Variants in SPAG16 observed in about 807,000 individuals in gnomAD.
SPAG16 encodes the protein sperm associated antigen 16, also known as sperm-associated antigen 16 protein.
SPAG16 carries 86 observed loss-of-function variants against 80.4 expected under a neutral mutation model. The ratio of observed to expected loss-of-function variants is 1.07; its 90% CI spans 0.90 to 1.28. The LOEUF is 1.28. Among genes scored for constraint, SPAG16 ranks in the 50% most tolerant of loss-of-function variants. The probability of loss-of-function intolerance (pLI) is 0.00; values close to 1 mark genes in which losing one functional copy is unlikely to be tolerated. For synonymous variants in SPAG16, 294 were observed against 265.9 expected, an observed-to-expected ratio of 1.11 and a Z score of -1.03; for missense variants, 870 against 765.3, an observed-to-expected ratio of 1.14 and a Z score of -1.61.
At chr2:214,220,747 G>A (rs540869390) in intron 15 of SPAG16, among the ~76,000 whole-genome samples, 3 of 152,172 alleles carry the variant, frequency 2.0e-5, no homozygotes, top group African/African-American at 4.8e-5. Flanking sequence ...AGGGATCAAT[G>A]GATTAATCTT....
intron 10 of SPAG16, among the ~76,000 whole-genome samples, chr2:213,858,946 C>T (rs918805009): frequency 1.3e-5 from 2 of 151,402 alleles, no homozygotes; most frequent in East Asian, 3.9e-4. Context: ...TTTGGGAGGC[C>T]GAGGTGGGCG....
At position 214,164,961 on chromosome 2, in the gene SPAG16, A is replaced by G. The variant is rs952201839; in HGVS notation, c.1720+15695A>G. Among the ~76,000 whole-genome samples, 6 of 152,270 alleles carry G rather than the reference A, an allele frequency of 3.9e-5. No homozygotes were observed. The East Asian group carries it at 1.2e-3, about 29-fold the overall frequency. On this transcript the variant is annotated intron_variant, in intron 15 of 15. Coordinates refer to ENST00000331683, the MANE Select transcript of SPAG16 (RefSeq NM_024532.5). ...ACTCTTATATTCTTGTATAAGGGCT[A>G]TTAGATGTTCTGCTGAGGAGGAGAT...
rs73989457 is a variant in SPAG16 at position 214,358,728 on chromosome 2, G to A, written c.1721-51412G>A. Among the ~76,000 whole-genome samples the A allele has an allele frequency of 5.8e-3, 884 of 151,896 alleles. 10 individuals are homozygous for A. The highest frequency in any genetic ancestry group is 0.02 in the African/African-American group (839 of 41,482). ...GATCATGGAGAGCCTCCAAGGACTC[G>A]AATAATAATGGGAGTTGGGGGTTGA... On this transcript the variant is annotated intron_variant, in intron 15 of 15. Coordinates refer to ENST00000331683, the MANE Select transcript of SPAG16 (RefSeq NM_024532.5).
At chr2:213,542,983 C>T (rs577927284) in intron 10 of SPAG16, among the ~76,000 whole-genome samples, 26 of 151,930 alleles carry the variant, frequency 1.7e-4, no homozygotes, top group African/African-American at 5.6e-4. Flanking sequence ...TGGTAGATAT[C>T]CAGCCAGACT....
chr2:214,227,205 T>C (rs1055020801), intron 15 of SPAG16, among the ~76,000 whole-genome samples: 5 of 152,096 alleles, frequency 3.3e-5, no homozygotes, highest in African/African-American at 1.2e-4. Flanking sequence ...CAAATAATAG[T>C]GATTATGGAA....
intron 11 of SPAG16, among the ~76,000 whole-genome samples, chr2:213,906,370 A>T (rs1012383537): frequency 6.6e-6 from 1 of 152,208 alleles, no homozygotes; most frequent in Non-Finnish European, 1.5e-5. Context: ...ATTGAACAGG[A>T]CACAAAAAAT....
chr2:214,170,018 T>C lies in SPAG16; in HGVS notation c.1720+20752T>C, dbSNP rs74756005. The stretch of plus-strand genomic sequence containing the variant: ...TCTTTGATCTAAAAATGTTACAGAA[T>C]GCTAAAATTCAGATGAAGCCATATA... On this transcript the variant is annotated intron_variant, in intron 15 of 15. Transcript: ENST00000331683. Among the ~76,000 whole-genome samples, 867 of 152,178 alleles carry C rather than the reference T, an allele frequency of 5.7e-3. 5 individuals carry two copies. Among genetic ancestry groups the C allele is most frequent in the Non-Finnish European group, 8.9e-3 (603 of 67,996 alleles).
chr2:213,629,680 T>G (rs2062075969), intron 10 of SPAG16, among the ~76,000 whole-genome samples: 1 of 152,226 alleles, frequency 6.6e-6, no homozygotes, highest in Non-Finnish European at 1.5e-5. Context: ...TTTGCTCTGC[T>G]CAATGCTTCA....
At chr2:213,818,852 G>T (rs1202970340) in intron 10 of SPAG16, among the ~76,000 whole-genome samples, 3 of 152,108 alleles carry the variant, frequency 2.0e-5, no homozygotes, top group African/African-American at 7.2e-5. Context: ...CTGCCACCAT[G>T]TGAAGAAGGT....
chr2:213,733,411 T>A (rs2067144518), intron 10 of SPAG16, among the ~76,000 whole-genome samples: 1 of 151,510 alleles, frequency 6.6e-6, no homozygotes, highest in Non-Finnish European at 1.5e-5. Flanking sequence ...CCAATAAAGG[T>A]GGGGGAAAGT....
In SPAG16 at chr2:213,937,589, C is replaced by T. The variant is rs373264673; in HGVS notation, c.1400+7444C>T. On this transcript the variant is annotated intron_variant, in intron 12 of 15. Transcript: ENST00000331683. Reference sequence around the variant, plus strand: ...GAAATGATGTCTGAGTATTACGGAGCATAGACACATAAATAAGCACAAAAA... The same window carrying T: ...GAAATGATGTCTGAGTATTACGGAGTATAGACACATAAATAAGCACAAAAA... Among the ~76,000 whole-genome samples the T allele has an allele frequency of 5.3e-5, 8 of 151,970 alleles. No individual in the cohort carries two copies. In the East Asian group the frequency reaches 1.5e-3, roughly 29 times the overall value.
At chr2:213,708,935 G>A (rs973022106) in intron 10 of SPAG16, among the ~76,000 whole-genome samples, 6 of 152,150 alleles carry the variant, frequency 3.9e-5, no homozygotes, top group Non-Finnish European at 8.8e-5. Flanking sequence ...GGGTTGATGT[G>A]ATATCTGTAT....
intron 14 of SPAG16, among the ~76,000 whole-genome samples, chr2:214,130,042 A>G (rs7576348): frequency 2.0e-5 from 3 of 152,148 alleles, no homozygotes; most frequent in South Asian, 2.1e-4. Context: ...GTGCCTTCCA[A>G]TGAACAAAGT....
At chr2:213,902,956 T>A (rs2077279321) in intron 11 of SPAG16, among the ~76,000 whole-genome samples, 1 of 152,198 alleles carries the variant, frequency 6.6e-6, no homozygotes, top group African/African-American at 2.4e-5. Flanking sequence ...AAGTCAAATT[T>A]TAAAATGTCA....
intron 9 of SPAG16, among the ~76,000 whole-genome samples, chr2:213,430,695 A>G (rs1287673537): frequency 6.6e-6 from 1 of 152,184 alleles, no homozygotes; most frequent in Non-Finnish European, 1.5e-5. Flanking sequence ...TAGGCTAGCA[A>G]TATATTTAGA....
intron 15 of SPAG16, among the ~76,000 whole-genome samples, chr2:214,366,486 A>G (rs887241608): frequency 7.9e-5 from 12 of 152,196 alleles, no homozygotes; most frequent in African/African-American, 2.4e-4. Flanking sequence ...GTGTAAAGTG[A>G]TGGTTTAAAA....
chr2:213,807,601 C>T (rs2071851133), intron 10 of SPAG16, among the ~76,000 whole-genome samples: 1 of 152,146 alleles, frequency 6.6e-6, no homozygotes, highest in South Asian at 2.1e-4. Context: ...AAAGTAAAAA[C>T]CACACAACCT....
At chr2:214,105,714 T>G (rs1449562590) in intron 13 of SPAG16, among the ~76,000 whole-genome samples, 2 of 152,188 alleles carry the variant, frequency 1.3e-5, no homozygotes, top group Non-Finnish European at 2.9e-5. Flanking sequence ...TGACAAGAAT[T>G]CATCAAAGAA....
intron 10 of SPAG16, among the ~76,000 whole-genome samples, chr2:213,692,842 T>C (rs2065004019): frequency 6.6e-6 from 1 of 151,722 alleles, no homozygotes; most frequent in Non-Finnish European, 1.5e-5. Context: ...AAAAGTTTTA[T>C]CTTGAAAACT....
Sources: allele counts gnomAD v4.1 joint callset (sites outside exome capture counted in the v4.1 genomes callset), GRCh38; gene constraint gnomAD v4.1.1; transcripts MANE v1.5; gene names NCBI Gene and HGNC (gene_info 2026-07-23, HGNC 2026-07-21).